The following PARD6G variants were observed in gnomAD, a reference collection of about 807,000 sequenced individuals.
The protein encoded by PARD6G is partitioning defective 6 homolog gamma.
In PARD6G, 7 loss-of-function variants were observed where a neutral mutation model predicts 10.7. The ratio of observed to expected loss-of-function variants is 0.66; its 90% CI spans 0.37 to 1.23. PARD6G has a LOEUF of 1.23. Among genes scored for constraint, PARD6G ranks in the 50% most tolerant of loss-of-function variants. PARD6G has a pLI of 0.02. For missense variants in PARD6G, 548 were observed against 571.8 expected, an observed-to-expected ratio of 0.96 and a Z score of 0.42; for synonymous variants, 287 against 269.4, an observed-to-expected ratio of 1.07 and a Z score of -0.64.
intron 1 of PARD6G, among the ~76,000 whole-genome samples, chr18:80,232,011 C>T (rs993692345): frequency 3.3e-5 from 5 of 152,214 alleles, no homozygotes; most frequent in South Asian, 2.1e-4. Flanking sequence ...GAAGCCACTG[C>T]GTTCCTACAC....
At chr18:80,222,344 C>T (rs1210196297) in intron 1 of PARD6G, among the ~76,000 whole-genome samples, 1 of 152,108 alleles carries the variant, frequency 6.6e-6, no homozygotes, top group African/African-American at 2.4e-5. Context: ...CTGCCTTGGC[C>T]TCCCAAAGTG....
At position 80,188,668 on chromosome 18, in the gene PARD6G, G is replaced by A. The variant is rs2052892439; in HGVS notation, c.295+14042C>T. Among the ~76,000 whole-genome samples, 1 of 152,172 alleles carries A rather than the reference G, an allele frequency of 6.6e-6. No individual in the cohort carries two copies. Among genetic ancestry groups the A allele is most frequent in the Non-Finnish European group, 1.5e-5 (1 of 68,034 alleles). ...TGAAGGAAAAAGAAAGGAAACATGG[G>A]CCCCTAATTTCCCACACAGATGCAG... On this transcript the variant is annotated intron_variant, in intron 2 of 2. Transcript: ENST00000353265. This position sits in a 1 kb window ranked among gnomAD's most constrained non-coding sequence, Gnocchi z 5.4.
chr18:80,212,607 C>T (rs550432985), intron 1 of PARD6G, among the ~76,000 whole-genome samples: 101 of 152,218 alleles, frequency 6.6e-4, no homozygotes, highest in African/African-American at 2.2e-3. Context: ...TTGTTTTGGC[C>T]GGGTGTGGTG....
chr18:80,241,957 G>A (rs540576923), intron 1 of PARD6G, among the ~76,000 whole-genome samples: 1 of 152,298 alleles, frequency 6.6e-6, no homozygotes, highest in African/African-American at 2.4e-5. Flanking sequence ...GACCTTGAAT[G>A]GCTGCATCTC....
chr18:80,195,532 A>G (rs1261914600), intron 2 of PARD6G, among the ~76,000 whole-genome samples: 4 of 75,076 alleles, frequency 5.3e-5, no homozygotes, highest in African/African-American at 1.6e-4. Flanking sequence ...CCACACAATA[A>G]GAGTCTTCAA....
At position 80,184,022 on chromosome 18, in the gene PARD6G, T is replaced by C. The variant is rs1050939483; in HGVS notation, c.295+18688A>G. ...ATATGTTAGCGGTCAAAGAACTCTG[T>C]TTTTCTTGGTCCAAACCAGAGGAAA... On this transcript the variant is annotated intron_variant, in intron 2 of 2. Coordinates refer to ENST00000353265, the MANE Select transcript of PARD6G (RefSeq NM_032510.4). This position sits in a 1 kb window ranked among gnomAD's most constrained non-coding sequence, Gnocchi z 4.5. 2.0e-5 allele frequency: 3 copies of C among 152,206 alleles called. No homozygotes were observed. The highest frequency in any genetic ancestry group is 4.4e-5 in the Non-Finnish European group (3 of 68,046). The allele number at this position is 152,206 out of a possible 1,614,324, so 9.4% of individuals were successfully genotyped here. A position where few individuals can be genotyped will look rare whatever the true frequency, so the allele number is the denominator to read the frequency against.
At chr18:80,170,606 C>T (rs1480090938) in intron 2 of PARD6G, 1 of 152,318 alleles carries the variant, frequency 6.6e-6, no homozygotes, top group African/African-American at 2.4e-5. Context: ...TGCCAGAGGC[C>T]AGGGCCTGAG....
rs77300117 is a variant in PARD6G, at chr18:80,159,487, C to T, written c.*284G>A. On this transcript the variant is annotated 3_prime_UTR_variant, in exon 3 of 3. Coordinates refer to ENST00000353265, the MANE Select transcript of PARD6G (RefSeq NM_032510.4). ...AAGTATTTGTAAAAATTTTAAAAAG[C>T]ATTTTTTTGCACTTGGTCAGATCTT... The T allele has an allele frequency of 5.8e-4, 207 of 353,934 alleles. No individual in the cohort carries two copies. Among genetic ancestry groups the T allele is most frequent in the African/African-American group, 4.1e-3 (193 of 47,292 alleles). The allele number at this position is 353,934 out of a possible 1,614,324, so 21.9% of individuals were successfully genotyped here.
At chr18:80,214,881 G>T (rs1391294275) in intron 1 of PARD6G, among the ~76,000 whole-genome samples, 1 of 152,076 alleles carries the variant, frequency 6.6e-6, no homozygotes, top group Non-Finnish European at 1.5e-5. Flanking sequence ...TATCCTACTT[G>T]CAGTTTGTTA....
At position 80,246,811 on chromosome 18, in the gene PARD6G, G is replaced by A. The variant is rs1421926244; in HGVS notation, c.72+466C>T. Among the ~76,000 whole-genome samples the A allele has an allele frequency of 6.6e-6, 1 of 152,016 alleles. No homozygotes were observed. The highest frequency in any genetic ancestry group is 1.5e-5 in the Non-Finnish European group (1 of 67,968). ...CGGAGCCGGCGGCAAGTCTCCTCCT[G>A]GCAGGTAACAAGCCTCCTTTGCAGC... On this transcript the variant is annotated intron_variant, in intron 1 of 2. Coordinates refer to ENST00000353265, the MANE Select transcript of PARD6G (RefSeq NM_032510.4). This position sits in a 1 kb window ranked among gnomAD's most constrained non-coding sequence, Gnocchi z 6.7.
rs561507901 is a variant in PARD6G at position 80,237,217 on chromosome 18, C to T, written c.72+10060G>A. On this transcript the variant is annotated intron_variant, in intron 1 of 2. Transcript: ENST00000353265. ...TGCCACATATCTACAACTATCTGATCTTTGACAAACCTGACAAAAACAAGA... is the reference window on the plus strand; with the variant it reads ...TGCCACATATCTACAACTATCTGATTTTTGACAAACCTGACAAAAACAAGA... Among the ~76,000 whole-genome samples the T allele has an allele frequency of 3.3e-5, 5 of 152,278 alleles. No homozygotes were observed. In the South Asian group the frequency reaches 1.0e-3, roughly 32 times the overall value.
intron 1 of PARD6G, among the ~76,000 whole-genome samples, chr18:80,227,297 T>C (rs1967302212): frequency 6.6e-6 from 1 of 152,276 alleles, no homozygotes. Flanking sequence ...TAAACTGACA[T>C]TGGCTGACAA....
At chr18:80,237,547 AT>A (rs1279127360) in intron 1 of PARD6G, among the ~76,000 whole-genome samples, 1 of 152,214 alleles carries the variant, frequency 6.6e-6, no homozygotes, top group Non-Finnish European at 1.5e-5. Flanking sequence ...AAGAAACACC[AT>A]CAGAGTGAAC....
chr18:80,245,609 T>C (rs1486581412), intron 1 of PARD6G, among the ~76,000 whole-genome samples: 1 of 152,130 alleles, frequency 6.6e-6, no homozygotes, highest in Non-Finnish European at 1.5e-5. Context: ...CAGACCTCTA[T>C]ATTCTCTCAC....
Position 80,160,291 on chromosome 18 carries a change from G to C in PARD6G, c.611C>G (p.Ala204Gly). The C allele has an allele frequency of 2.5e-6, 4 of 1,612,310 alleles. No individual in the cohort carries two copies. Among genetic ancestry groups the C allele is most frequent in the Non-Finnish European group, 3.4e-6 (4 of 1,179,842 alleles). ...FISRMVPGGLAESTGLLAVND... is the reference protein window; with the variant it reads ...FISRMVPGGLGESTGLLAVND... ...CACAGCCAGCAGCCCGGTGCTCTCCGCCAGGCCCCCGGGTACCATGCGCGA... is the reference window on the plus strand; with the variant it reads ...CACAGCCAGCAGCCCGGTGCTCTCCCCCAGGCCCCCGGGTACCATGCGCGA... Residue 204 changes from alanine (A) to glycine (G), a missense_variant, in exon 3 of 3, where the codon GCG becomes GGG. Physicochemically the swap from Ala to Gly is moderately conservative, Grantham distance 60. Around this residue, in one of 2 missense-constraint regions of PARD6G, gnomAD observed 313 missense variants for 279.9 expected, o/e 1.12. Transcript: ENST00000353265.
chr18:80,211,953 A>G (rs1049237720), intron 1 of PARD6G, among the ~76,000 whole-genome samples: 2 of 152,138 alleles, frequency 1.3e-5, no homozygotes, highest in East Asian at 3.8e-4. Context: ...TTACAAGATG[A>G]AAAGAGTTCT....
At chr18:80,168,693 C>T (rs1160445786) in intron 2 of PARD6G, 1 of 166,732 alleles carries the variant, frequency 6.0e-6, no homozygotes, top group African/African-American at 2.4e-5. Flanking sequence ...TCTCGGCTCA[C>T]TACAGCCTCC....
intron 1 of PARD6G, among the ~76,000 whole-genome samples, chr18:80,237,242 A>C (rs1370366973): frequency 3.9e-5 from 6 of 152,152 alleles, no homozygotes; most frequent in South Asian, 2.1e-4. Flanking sequence ...CAAAAACAAG[A>C]AATGGGGAAA....
Position 80,180,486 on chromosome 18 carries a change from C to T in PARD6G, c.296-19880G>A, listed in dbSNP as rs1316450085. Among the ~76,000 whole-genome samples, 2 of 152,142 alleles carry T rather than the reference C, an allele frequency of 1.3e-5. No homozygotes were observed. Among genetic ancestry groups the T allele is most frequent in the Admixed American group, 6.5e-5 (1 of 15,276 alleles). On this transcript the variant is annotated intron_variant, in intron 2 of 2. Transcript: ENST00000353265. This position sits in a 1 kb window ranked among gnomAD's most constrained non-coding sequence, Gnocchi z 5.6. ...ATGGTGTACACCCCCCAGGTATCACCGGGGCCCTCCCAGGACCAACCCAGC... is the reference window on the plus strand; with the variant it reads ...ATGGTGTACACCCCCCAGGTATCACTGGGGCCCTCCCAGGACCAACCCAGC...
Sources: allele counts gnomAD v4.1 joint callset (sites outside exome capture counted in the v4.1 genomes callset), GRCh38; gene constraint gnomAD v4.1.1; regional missense constraint gnomAD v4.1.1; non-coding constraint Gnocchi (gnomAD v3.1); transcripts MANE v1.5; gene names NCBI Gene and HGNC (gene_info 2026-07-23, HGNC 2026-07-21).